POLI: variants seen among roughly 807,000 people sequenced by gnomAD.
The protein encoded by POLI is RAD30 homolog B.
A neutral mutation model predicts 51.6 loss-of-function variants in POLI; 58 were observed. The observed-to-expected ratio is 1.12, with a 90% confidence interval of 0.91 to 1.40. The LOEUF (loss-of-function observed/expected upper bound fraction) is 1.40, where lower values mean the gene tolerates loss of function less well. Ranked by LOEUF, POLI falls within the 40% of genes most tolerant of loss-of-function variation. The pLI is 0.00. For missense variants in POLI, 921 were observed against 871.3 expected, an observed-to-expected ratio of 1.06 and a Z score of -0.72; for synonymous variants, 322 against 299.7, an observed-to-expected ratio of 1.07 and a Z score of -0.77.
intron 9 of POLI, 128 bp downstream of exon 9, chr18:54,292,166 T>C (rs2088051379): frequency 1.7e-6 from 1 of 598,896 alleles, no homozygotes; most frequent in African/African-American, 1.8e-5. Flanking sequence ...ATTGTTTAGG[T>C]GATTAACTTG....
intron 9 of POLI, 137 bp from the exon 10 acceptor site, chr18:54,293,510 GTT>G: frequency 1.7e-6 from 1 of 589,088 alleles, no homozygotes; most frequent in Non-Finnish European, 2.9e-6. Flanking sequence ...ATCTCTAGTT[GTT>G]TGGAACTGGC....
intron 3 of POLI, among the ~76,000 whole-genome samples, chr18:54,310,086 G>A (rs1169467119): frequency 1.3e-5 from 2 of 152,136 alleles, no homozygotes; most frequent in Non-Finnish European, 2.9e-5. Flanking sequence ...GGCATCCGTG[G>A]GCTGCACCCA....
chr18:54,297,390 T>A lies in POLI; in HGVS notation c.*2923T>A, dbSNP rs2088386454. On this transcript the variant is annotated 3_prime_UTR_variant, in exon 10 of 10. Transcript: ENST00000579534. ...GTGTATAGTGTAGAGGGGGTTTCTGTCTTGAGTGTAGGCCTGGAGATTTCC... is the reference window on the plus strand; with the variant it reads ...GTGTATAGTGTAGAGGGGGTTTCTGACTTGAGTGTAGGCCTGGAGATTTCC... 2 of 984,040 alleles carry A rather than the reference T, an allele frequency of 2.0e-6. No individual in the cohort carries two copies. Among genetic ancestry groups the A allele is most frequent in the Non-Finnish European group, 2.4e-6 (2 of 828,854 alleles). 61.0% of individuals were successfully genotyped at this position (984,040 alleles called of 1,614,324 possible). A position where few individuals can be genotyped will look rare whatever the true frequency, so the allele number is the denominator to read the frequency against.
chr18:54,276,716 T>C (rs780187871), intron 3 of POLI, among the ~76,000 whole-genome samples: 1 of 152,222 alleles, frequency 6.6e-6, no homozygotes, highest in Non-Finnish European at 1.5e-5. Context: ...AGGAGTGATT[T>C]TTGGTGTTTG....
chr18:54,293,838 T>G lies in POLI; in HGVS notation c.1594T>G (p.Phe532Val). The G allele has an allele frequency of 6.2e-7, 1 of 1,610,176 alleles. No individual in the cohort carries two copies. The highest frequency in any genetic ancestry group is 8.5e-7 in the Non-Finnish European group (1 of 1,177,506). Reference sequence around the variant, plus strand: ...TCCTGAAGGTGTTGACCAAGAAGTCTTCAAGCAGCTTCCAGTAGATATTCA... The same window carrying G: ...TCCTGAAGGTGTTGACCAAGAAGTCGTCAAGCAGCTTCCAGTAGATATTCA... ...SLPEGVDQEV[F>V]KQLPVDIQEE... is the part of the protein sequence containing the mutation. The change falls in exon 10 of 10, where the codon TTC becomes GTC. Residue 532 changes from phenylalanine (F) to valine (V), a missense_variant. By Grantham distance (50) the Phe-to-Val change is conservative (BLOSUM62 -1). Transcript: ENST00000579534.
At chr18:54,288,619 T>C (rs893962751) in intron 8 of POLI, among the ~76,000 whole-genome samples, 2 of 152,100 alleles carry the variant, frequency 1.3e-5, no homozygotes, top group African/African-American at 4.8e-5. Flanking sequence ...TCTGCTGCTC[T>C]GTTTATTTTT....
At chr18:54,289,282 GC>G (rs1377319234) in intron 8 of POLI, among the ~76,000 whole-genome samples, 2 of 149,822 alleles carry the variant, frequency 1.3e-5, no homozygotes, top group Non-Finnish European at 3.0e-5. Context: ...TTCATGGTTA[GC>G]CAGTGATTGG....
chr18:54,301,615 T>C (rs2088492837), downstream of POLI, among the ~76,000 whole-genome samples: 1 of 152,170 alleles, frequency 6.6e-6, no homozygotes, highest in South Asian at 2.1e-4. Flanking sequence ...AATACTCAAC[T>C]GAGGACTTAA....
intron 9 of POLI, 140 bp downstream of exon 9, chr18:54,292,178 T>C (rs1280120363): frequency 1.1e-5 from 6 of 564,572 alleles, no homozygotes; most frequent in Non-Finnish European, 1.6e-5. Flanking sequence ...ATTAACTTGT[T>C]TATAATACCT....
chr18:54,299,515 A>G (rs1051789565), downstream of POLI, among the ~76,000 whole-genome samples: 4 of 152,228 alleles, frequency 2.6e-5, no homozygotes, highest in African/African-American at 9.6e-5. Flanking sequence ...CAGTCACCGA[A>G]TGGAATTAAC....
chr18:54,269,611 A>G lies in POLI; in HGVS notation c.65A>G (p.Glu22Gly). 2.7e-6 allele frequency: 4 copies of G among 1,501,052 alleles called. No homozygotes were observed. The highest frequency in any genetic ancestry group is 3.5e-6 in the Non-Finnish European group (4 of 1,129,166). The allele number at this position is 1,501,052 out of a possible 1,614,324, so 93.0% of individuals were successfully genotyped here. A position where few individuals can be genotyped will look rare whatever the true frequency, so the allele number is the denominator to read the frequency against. The change falls in exon 1 of 10, where the codon GAG becomes GGG. Residue 22 changes from glutamate (E) to glycine (G), a missense_variant. By Grantham distance (98) the Glu-to-Gly change is moderately conservative. Transcript: ENST00000579534. ...GGCGACGACGACGAGGAAGACGCCGAGGCCTGGGCCATGGAACTGGCGGAC... is the reference window on the plus strand; with the variant it reads ...GGCGACGACGACGAGGAAGACGCCGGGGCCTGGGCCATGGAACTGGCGGAC... ...GGGDDDEEDA[E>G]AWAMELADVG...
At chr18:54,317,076 T>C (rs652037) in intron 3 of POLI, among the ~76,000 whole-genome samples, 10,630 of 152,258 alleles carry the variant, frequency 0.07, 439 homozygotes, top group African/African-American at 0.09. Context: ...TGGAAACTTA[T>C]TGATTATGAG....
chr18:54,284,472 T>C (rs1453763468), intron 7 of POLI: 1 of 152,334 alleles, frequency 6.6e-6, no homozygotes, highest in African/African-American at 2.4e-5. Context: ...TAACCATTTA[T>C]CTGTGCCTCT....
rs572642176 is a variant in POLI, at chr18:54,297,752, G to T, written c.*3285G>T. The T allele has an allele frequency of 7.2e-6, 7 of 967,940 alleles. No homozygotes were observed. In the African/African-American group the frequency reaches 8.8e-5, roughly 12 times the overall value. The allele number at this position is 967,940 out of a possible 1,614,324, so 60.0% of individuals were successfully genotyped here. Reference sequence around the variant, plus strand: ...TACCCTCTTTCCAAACAACACAAAGGTATTGAAATAACATTAATTCTAATT... The same window carrying T: ...TACCCTCTTTCCAAACAACACAAAGTTATTGAAATAACATTAATTCTAATT... On this transcript the variant is annotated 3_prime_UTR_variant, in exon 10 of 10. Transcript: ENST00000579534.
chr18:54,310,099 G>C (rs2144644411), intron 3 of POLI, among the ~76,000 whole-genome samples: 1 of 152,330 alleles, frequency 6.6e-6, no homozygotes, highest in African/African-American at 2.4e-5. Context: ...TGCACCCACT[G>C]TCCAACCAGT....
chr18:54,313,645 A>T (rs1309207197), intron 3 of POLI, among the ~76,000 whole-genome samples: 1 of 152,134 alleles, frequency 6.6e-6, no homozygotes, highest in East Asian at 1.9e-4. Flanking sequence ...AGTGTTTTGT[A>T]ATTCTCATTG....
chr18:54,271,976 A>C (rs890577340), intron 2 of POLI, among the ~76,000 whole-genome samples: 2 of 152,262 alleles, frequency 1.3e-5, no homozygotes, highest in Non-Finnish European at 2.9e-5. Context: ...CATCTTTTTA[A>C]ATAAAAGCCA....
At chr18:54,275,329 A>T (rs548890843) in intron 3 of POLI, among the ~76,000 whole-genome samples, 1 of 149,400 alleles carries the variant, frequency 6.7e-6, no homozygotes, top group African/African-American at 2.4e-5. Flanking sequence ...TCTTGTCTCT[A>T]AAAAAGAAAG....
intron 2 of POLI, among the ~76,000 whole-genome samples, chr18:54,273,312 G>A (rs2087090631): frequency 6.7e-6 from 1 of 150,232 alleles, no homozygotes; most frequent in South Asian, 2.1e-4. Flanking sequence ...CTTTATATTA[G>A]CAAGTTACGG....
Sources: allele counts gnomAD v4.1 joint callset (sites outside exome capture counted in the v4.1 genomes callset), GRCh38; gene constraint gnomAD v4.1.1; transcripts MANE v1.5; gene names NCBI Gene and HGNC (gene_info 2026-07-23, HGNC 2026-07-21).